UPRT: variants seen among roughly 807,000 people sequenced by gnomAD.
UPRT encodes RP11-311P8.3.
UPRT carries 5 observed loss-of-function variants against 22.6 expected under a neutral mutation model. The ratio of observed to expected loss-of-function variants is 0.22; its 90% confidence interval spans 0.12 to 0.47. The LOEUF (loss-of-function observed/expected upper bound fraction) is 0.47, where lower values mean the gene tolerates loss of function less well. UPRT is among the 20% of genes least tolerant of loss of function. The probability of loss-of-function intolerance (pLI) is 0.99; values close to 1 mark genes in which losing one functional copy is unlikely to be tolerated. For synonymous variants in UPRT, 77 were observed against 87.7 expected (o/e 0.88, Z 0.68); for missense variants, 181 against 239.9 (o/e 0.75, Z 1.62).
At chrX:75,241,899 A>G (rs941600722) in intron 4 of UPRT, among the ~76,000 whole-genome samples, 1 of 110,480 alleles carries the variant, frequency 9.1e-6, no homozygotes, top group Non-Finnish European at 1.9e-5. Context: ...GAATGATACA[A>G]TGGACTCTGG....
intron 4 of UPRT, among the ~76,000 whole-genome samples, chrX:75,236,603 A>G (rs2082465613): frequency 8.9e-6 from 1 of 112,093 alleles, no homozygotes; most frequent in Non-Finnish European, 1.9e-5. Context: ...AAAAAAAGAT[A>G]TAGATCAATG....
intron 4 of UPRT, among the ~76,000 whole-genome samples, chrX:75,203,150 G>C (rs776768182): frequency 1.8e-5 from 2 of 111,546 alleles, no homozygotes; most frequent in East Asian, 5.6e-4. Context: ...TGCAATCCTA[G>C]TTTCTGACAA....
At chrX:75,209,467 G>A (rs181144677) in intron 4 of UPRT, among the ~76,000 whole-genome samples, 28 of 111,845 alleles carry the variant, frequency 2.5e-4, no homozygotes, top group Middle Eastern at 9.3e-3. Context: ...TCTGCCTCCT[G>A]GGTTCAAGTG....
intron 4 of UPRT, among the ~76,000 whole-genome samples, chrX:75,212,823 G>A (rs1255456449): frequency 8.9e-6 from 1 of 111,784 alleles, no homozygotes; most frequent in Non-Finnish European, 1.9e-5. Flanking sequence ...AGGGTAAATA[G>A]CTAATGTATG....
intron 4 of UPRT, among the ~76,000 whole-genome samples, chrX:75,228,453 A>G (rs2082429197): frequency 9.0e-6 from 1 of 111,627 alleles, no homozygotes; most frequent in Non-Finnish European, 1.9e-5. Context: ...CCCTTCATTT[A>G]GATTTGGCCT....
At chrX:75,244,344 A>C (rs1194285137) in intron 4 of UPRT, among the ~76,000 whole-genome samples, 1 of 112,245 alleles carries the variant, frequency 8.9e-6, no homozygotes, top group East Asian at 2.8e-4. Context: ...ATACTGCCCA[A>C]AGCAATGTAC....
chrX:75,247,397 C>T (rs1429009252), intron 4 of UPRT, among the ~76,000 whole-genome samples: 1 of 111,936 alleles, frequency 8.9e-6, no homozygotes, highest in Non-Finnish European at 1.9e-5. Flanking sequence ...ATGTCCTTTT[C>T]CAATGGGTTT....
At chrX:75,249,024 C>A (rs948492651) in intron 4 of UPRT, among the ~76,000 whole-genome samples, 1 of 111,433 alleles carries the variant, frequency 9.0e-6, no homozygotes, top group African/African-American at 3.3e-5. Flanking sequence ...GATTTTGTCA[C>A]CACCAGGCCT....
At chrX:75,187,568 C>A (rs1310752084) in intron 4 of UPRT, among the ~76,000 whole-genome samples, 1 of 111,708 alleles carries the variant, frequency 9.0e-6, no homozygotes, top group Non-Finnish European at 1.9e-5. Context: ...GAAGGTTGGA[C>A]TGCCTTGCTA....
At chrX:75,190,224 C>A (rs924503918) in intron 4 of UPRT, among the ~76,000 whole-genome samples, 1 of 111,612 alleles carries the variant, frequency 9.0e-6, no homozygotes, top group African/African-American at 3.3e-5. Flanking sequence ...TTTTATTTCT[C>A]CTTCTCTTAT....
chrX:75,257,629 A>G, intron 4 of UPRT, among the ~76,000 whole-genome samples: 1 of 112,042 alleles, frequency 8.9e-6, no homozygotes, highest in East Asian at 2.8e-4. Flanking sequence ...AAGTTTCTCC[A>G]GAAAGCTCCT....
chrX:75,192,098 G>A (rs1251087479), intron 4 of UPRT, among the ~76,000 whole-genome samples: 1 of 111,568 alleles, frequency 9.0e-6, no homozygotes, highest in Non-Finnish European at 1.9e-5. Context: ...GGCCATCTTG[G>A]AACCGCGTAT....
At chrX:75,219,114 G>T (rs1163442589) in intron 4 of UPRT, among the ~76,000 whole-genome samples, 3 of 112,053 alleles carry the variant, frequency 2.7e-5, no homozygotes, top group Non-Finnish European at 3.8e-5. Flanking sequence ...GGATATTGTG[G>T]CACAGGCCTT....
At chrX:75,270,903 A>G (rs943832846), upstream of UPRT, among the ~76,000 whole-genome samples, 3 of 111,428 alleles carry the variant, frequency 2.7e-5, no homozygotes, top group African/African-American at 9.8e-5. Flanking sequence ...TTAAAGTATA[A>G]TAAGGAAAAA....
Position 75,290,079 on chromosome X carries a change from C to T in UPRT, c.387-3393C>T, listed in dbSNP as rs181094589. On this transcript the variant is annotated intron_variant, in intron 1 of 6. Coordinates refer to ENST00000373383, the MANE Select transcript of UPRT (RefSeq NM_145052.4). Reference sequence around the variant, plus strand: ...TGACAAAGGTGTAATATCCAGAAATCTGTAAGGAACTTAAACACATTGAAC... The same window carrying T: ...TGACAAAGGTGTAATATCCAGAAATTTGTAAGGAACTTAAACACATTGAAC... 4.0e-3 allele frequency among the ~76,000 whole-genome samples: 445 copies of T among 111,979 alleles called. 3 individuals carry two copies. Among genetic ancestry groups the T allele is most frequent in the Admixed American group, 6.1e-3 (64 of 10,575 alleles).
chrX:75,255,484 C>T (rs2082546721), intron 4 of UPRT, among the ~76,000 whole-genome samples: 1 of 111,330 alleles, frequency 9.0e-6, no homozygotes, highest in Non-Finnish European at 1.9e-5. Flanking sequence ...ACAGATAGCA[C>T]AATTAAAGGA....
chrX:75,293,411 T>C (rs1035841833), intron 1 of UPRT, 61 bp from the exon 2 acceptor site: 9 of 1,071,358 alleles, frequency 8.4e-6, no homozygotes, highest in Non-Finnish European at 5.1e-6. Flanking sequence ...ACTGTACATA[T>C]TAAATAACAT....
intron 4 of UPRT, among the ~76,000 whole-genome samples, chrX:75,250,478 C>A (rs189082572): frequency 9.0e-4 from 101 of 111,711 alleles, no homozygotes; most frequent in African/African-American, 3.1e-3. Flanking sequence ...GGATAAATTC[C>A]TCGACACATA....
At chrX:75,254,773 T>G (rs1448482378) in intron 4 of UPRT, among the ~76,000 whole-genome samples, 2 of 94,211 alleles carry the variant, frequency 2.1e-5, no homozygotes, top group Non-Finnish European at 4.3e-5. Context: ...TTTTTTTTTT[T>G]TTTTTTTTTT....
Sources: gnomAD v4.1 joint callset for allele counts (sites outside exome capture counted in the v4.1 genomes callset) on GRCh38, gnomAD v4.1.1 for gene constraint, MANE v1.5 for transcripts, NCBI Gene and HGNC (gene_info 2026-07-23, HGNC 2026-07-21) for gene names.